The following NAV2 variants were observed in gnomAD, a reference collection of about 807,000 sequenced individuals.
The protein encoded by NAV2 is neuron navigator 2.
Under a neutral mutation model 223.2 loss-of-function variants are expected in NAV2, and 54 were observed. The ratio of observed to expected loss-of-function variants is 0.24; its 90% CI spans 0.19 to 0.30. The LOEUF (loss-of-function observed/expected upper bound fraction) is 0.30. Among genes scored for constraint, NAV2 ranks in the 10% least tolerant of loss-of-function variants. The probability of loss-of-function intolerance (pLI) is 1.00; values close to 1 mark genes in which losing one functional copy is unlikely to be tolerated. For missense variants in NAV2, 2,806 were observed against 3,147.5 expected (o/e 0.89, Z 2.60); for synonymous variants, 1,279 against 1,239.3 (o/e 1.03, Z -0.67).
chr11:19,786,127 T>C (rs2057099471), intron 1 of NAV2, among the ~76,000 whole-genome samples: 1 of 152,252 alleles, frequency 6.6e-6, no homozygotes, highest in Admixed American at 6.5e-5. Context: ...TTTTAGATTC[T>C]AAAAATGTGA....
At chr11:19,947,666 G>T (rs2047041450) in intron 9 of NAV2, among the ~76,000 whole-genome samples, 1 of 152,168 alleles carries the variant, frequency 6.6e-6, no homozygotes, top group Non-Finnish European at 1.5e-5. Flanking sequence ...AGTCTTGACT[G>T]GGCTGCAAGA....
intron 6 of NAV2, among the ~76,000 whole-genome samples, chr11:19,919,767 T>C (rs952624711): frequency 1.3e-5 from 2 of 152,240 alleles, no homozygotes; most frequent in African/African-American, 2.4e-5. Flanking sequence ...TTTCACATCA[T>C]TGCCCTTTTG....
chr11:19,496,029 A>T (rs1280615099), intron 1 of NAV2, among the ~76,000 whole-genome samples: 1 of 152,184 alleles, frequency 6.6e-6, no homozygotes, highest in Non-Finnish European at 1.5e-5. Context: ...AGACCCAAAG[A>T]GTGCAGGAGG....
intron 1 of NAV2, among the ~76,000 whole-genome samples, chr11:19,420,347 G>A (rs2729925): frequency 6.6e-6 from 1 of 152,170 alleles, no homozygotes; most frequent in African/African-American, 2.4e-5. Flanking sequence ...GTGAAAATTG[G>A]TGTGACTGAT....
At chr11:19,431,187 C>G (rs1192316761) in intron 1 of NAV2, among the ~76,000 whole-genome samples, 2 of 152,236 alleles carry the variant, frequency 1.3e-5, no homozygotes, top group African/African-American at 4.8e-5. Flanking sequence ...GAGTGCATCC[C>G]TTCAAGCTGT....
intron 1 of NAV2, among the ~76,000 whole-genome samples, chr11:19,466,764 C>A (rs563627822): frequency 6.6e-6 from 1 of 152,272 alleles, no homozygotes; most frequent in Admixed American, 6.5e-5. Context: ...GGTCACTGGG[C>A]AGATGCTCCC....
chr11:19,868,195 G>A (rs1490030132), intron 3 of NAV2, among the ~76,000 whole-genome samples: 1 of 152,156 alleles, frequency 6.6e-6, no homozygotes, highest in Non-Finnish European at 1.5e-5. Context: ...TTTACTTATG[G>A]TACCCGTTGA....
chr11:19,770,055 AC>A (rs1372708374), intron 1 of NAV2, among the ~76,000 whole-genome samples: 1 of 152,168 alleles, frequency 6.6e-6, no homozygotes, highest in Non-Finnish European at 1.5e-5. Context: ...ACAAAACAAA[AC>A]AAAAAACCAA....
At chr11:20,100,182 C>T (rs1441848622) in intron 31 of NAV2, among the ~76,000 whole-genome samples, 1 of 152,180 alleles carries the variant, frequency 6.6e-6, no homozygotes, top group African/African-American at 2.4e-5. Context: ...GATGGATCTT[C>T]TCTTAGAGAC....
At chr11:19,505,462 T>A (rs1359303600) in intron 1 of NAV2, 1 of 152,186 alleles carries the variant, frequency 6.6e-6, no homozygotes, top group African/African-American at 2.4e-5. Flanking sequence ...GTCCTGAGTT[T>A]AAAAATCCCA....
At chr11:19,702,231 G>A (rs1024152188) in intron 1 of NAV2, among the ~76,000 whole-genome samples, 3 of 152,198 alleles carry the variant, frequency 2.0e-5, no homozygotes, top group Admixed American at 6.5e-5. Context: ...AGAATAGACG[G>A]AATTTCTGGG....
At chr11:19,458,548 A>T (rs551877526) in intron 1 of NAV2, among the ~76,000 whole-genome samples, 1 of 152,352 alleles carries the variant, frequency 6.6e-6, no homozygotes, top group South Asian at 2.1e-4. Context: ...ACTATGTGTC[A>T]GGCACTTGTC....
intron 1 of NAV2, among the ~76,000 whole-genome samples, chr11:19,424,916 A>G (rs775922532): frequency 3.9e-5 from 6 of 152,302 alleles, no homozygotes; most frequent in Middle Eastern, 6.8e-3. Context: ...TAAAGTATTT[A>G]GGTTAAATTG....
chr11:19,613,353 T>C (rs1295049618), intron 1 of NAV2, among the ~76,000 whole-genome samples: 1 of 152,200 alleles, frequency 6.6e-6, no homozygotes. Context: ...TGTTTTTGTC[T>C]TGCTTTTATT....
chr11:20,094,223 C>CTTT (rs61099684), intron 29 of NAV2, among the ~76,000 whole-genome samples: 189 of 88,436 alleles, frequency 2.1e-3, no homozygotes, highest in African/African-American at 5.7e-3. Context: ...TTTTCTTTAT[C>CTTT]TTTTTTTTTT....
chr11:20,101,308 C>T (rs2061618901), intron 32 of NAV2, 136 bp downstream of exon 32: 1 of 671,562 alleles, frequency 1.5e-6, no homozygotes, highest in Non-Finnish European at 2.6e-6. Flanking sequence ...GAAAGAGGTC[C>T]AGAGGGGGCT....
intron 1 of NAV2, among the ~76,000 whole-genome samples, chr11:19,489,669 C>T (rs972456841): frequency 6.6e-6 from 1 of 152,222 alleles, no homozygotes; most frequent in Non-Finnish European, 1.5e-5. Context: ...TCAGCTCTCT[C>T]ACTGTAAGAT....
intron 2 of NAV2, among the ~76,000 whole-genome samples, chr11:19,835,405 A>G (rs1789740016): frequency 6.6e-6 from 1 of 152,212 alleles, no homozygotes; most frequent in Non-Finnish European, 1.5e-5. Context: ...GTATGTAGAG[A>G]ACAGGCTAAA....
chr11:20,076,635 C>G (rs940408460), intron 22 of NAV2, among the ~76,000 whole-genome samples: 2 of 152,190 alleles, frequency 1.3e-5, no homozygotes, highest in Non-Finnish European at 2.9e-5. Context: ...AATATATCAC[C>G]TACTACTCTG....
Sources: gnomAD v4.1 joint callset for allele counts (sites outside exome capture counted in the v4.1 genomes callset) on GRCh38, gnomAD v4.1.1 for gene constraint, MANE v1.5 for transcripts, NCBI Gene and HGNC (gene_info 2026-07-23, HGNC 2026-07-21) for gene names.